DOCK10: variants seen among roughly 807,000 people sequenced by gnomAD.
The protein encoded by DOCK10 is dedicator of cytokinesis protein 10.
DOCK10 carries 145 observed loss-of-function variants against 280.1 expected under a neutral mutation model. The ratio of observed to expected loss-of-function variants is 0.52; its 90% CI spans 0.45 to 0.59. The LOEUF (loss-of-function observed/expected upper bound fraction) is 0.59, where lower values mean the gene tolerates loss of function less well. Among genes scored for constraint, DOCK10 ranks in the 20% least tolerant of loss-of-function variants. The pLI is 0.00. For synonymous variants in DOCK10, 915 were observed against 942.2 expected, an observed-to-expected ratio of 0.97 and a Z score of 0.53; for missense variants, 2,368 against 2,651.7, an observed-to-expected ratio of 0.89 and a Z score of 2.35.
chr2:224,952,003 T>C (rs573790047), intron 1 of DOCK10, among the ~76,000 whole-genome samples: 10 of 152,224 alleles, frequency 6.6e-5, no homozygotes, highest in Non-Finnish European at 1.0e-4. Flanking sequence ...CTCATCTTCC[T>C]AACATATCTC....
intron 1 of DOCK10, among the ~76,000 whole-genome samples, chr2:225,028,317 G>A (rs894548227): frequency 6.6e-6 from 1 of 152,124 alleles, no homozygotes. Context: ...TAAGCAATGT[G>A]GGGGCCTCTA....
At chr2:224,896,867 C>T (rs1575016567) in intron 3 of DOCK10, among the ~76,000 whole-genome samples, 1 of 152,276 alleles carries the variant, frequency 6.6e-6, no homozygotes, top group Admixed American at 6.5e-5. Flanking sequence ...TTTCAATTTC[C>T]CATGGAAATC....
Position 224,978,978 on chromosome 2 carries a change from C to T in DOCK10, c.124-47310G>A, listed in dbSNP as rs150481789. 3.5e-4 allele frequency among the ~76,000 whole-genome samples: 53 copies of T among 152,278 alleles called. 2 individuals carry two copies. The highest frequency in any genetic ancestry group is 6.8e-3 in the Middle Eastern group (2 of 294). On this transcript the variant is annotated intron_variant, in intron 1 of 55. Coordinates refer to ENST00000258390, the MANE Select transcript of DOCK10 (RefSeq NM_014689.3). ...CCTTTCCCACACTTTATATTCAATC[C>T]ATAGGCAAACTCTATTGGTTCTACT...
chr2:224,947,606 A>G (rs1030344684), intron 1 of DOCK10, among the ~76,000 whole-genome samples: 18 of 152,348 alleles, frequency 1.2e-4, no homozygotes, highest in African/African-American at 4.1e-4. Flanking sequence ...CTGTATGTCA[A>G]ATAGTTACAA....
Position 224,786,815 on chromosome 2 carries a change from T to C in DOCK10, c.5655+207A>G, listed in dbSNP as rs997695813. Among the ~76,000 whole-genome samples the C allele has an allele frequency of 6.6e-6, 1 of 152,242 alleles. No individual in the cohort carries two copies. The highest frequency in any genetic ancestry group is 1.5e-5 in the Non-Finnish European group (1 of 68,048). ...TAGAAATCACTGTTAACTCAACCCATGGATTTCTTTGCTCACTTGTTTCCC... is the reference window on the plus strand; with the variant it reads ...TAGAAATCACTGTTAACTCAACCCACGGATTTCTTTGCTCACTTGTTTCCC... On this transcript the variant is annotated intron_variant, in intron 50 of 55. Transcript: ENST00000258390. The surrounding 1 kb of genome is among the most constrained non-coding windows in gnomAD (Gnocchi z 4.7).
chr2:224,999,288 C>T (rs1012749572), intron 1 of DOCK10, among the ~76,000 whole-genome samples: 2 of 151,342 alleles, frequency 1.3e-5, no homozygotes, highest in East Asian at 1.9e-4. Context: ...ATGTTGCCCA[C>T]GCTGCATTCC....
At chr2:224,859,882 C>T (rs768158054) in intron 14 of DOCK10, among the ~76,000 whole-genome samples, 5 of 152,170 alleles carry the variant, frequency 3.3e-5, no homozygotes, top group Non-Finnish European at 7.3e-5. Flanking sequence ...AAGCAGTTTC[C>T]ACATTGTGAA....
chr2:224,861,342 A>G (rs1022720880), intron 14 of DOCK10: 5 of 152,220 alleles, frequency 3.3e-5, no homozygotes, highest in African/African-American at 1.2e-4. Flanking sequence ...TTCAATTTAT[A>G]GCTGGGGACC....
intron 1 of DOCK10, among the ~76,000 whole-genome samples, chr2:224,978,807 C>A (rs1298496993): frequency 6.6e-6 from 1 of 152,128 alleles, no homozygotes; most frequent in Non-Finnish European, 1.5e-5. Context: ...ATCTATAGAC[C>A]TAACAGGGAT....
At chr2:224,903,633 T>C (rs1700435548) in intron 3 of DOCK10, among the ~76,000 whole-genome samples, 1 of 152,212 alleles carries the variant, frequency 6.6e-6, no homozygotes, top group Non-Finnish European at 1.5e-5. Flanking sequence ...ACTATTATGA[T>C]CCAATCATTG....
rs1467472937 is a variant in DOCK10, at chr2:224,852,398, T to C, written c.2121A>G (p.Glu707=). 8 of 1,572,634 alleles carry C rather than the reference T, an allele frequency of 5.1e-6. No homozygotes were observed. Among genetic ancestry groups the C allele is most frequent in the African/African-American group, 1.3e-5 (1 of 74,080 alleles). ...TVCIEFKNSD[E]ESAKPLKCIY... is the part of the protein sequence containing the mutation. ...TCACCTTCAGGGGCTTGGCACTTTC[T>C]TCATCTGAATTTTTGAATTCAATGC... The change falls in exon 18 of 56, where the codon GAA becomes GAG. Residue 707 remains glutamate, a synonymous_variant. Coordinates refer to ENST00000258390, the MANE Select transcript of DOCK10 (RefSeq NM_014689.3).
intron 1 of DOCK10, among the ~76,000 whole-genome samples, chr2:225,003,282 T>C (rs1210284672): frequency 6.6e-6 from 1 of 152,164 alleles, no homozygotes; most frequent in East Asian, 1.9e-4. Flanking sequence ...TGGACTCAAG[T>C]ATGCATCTGC....
chr2:225,030,491 G>A lies in DOCK10; in HGVS notation c.123+11761C>T, dbSNP rs527684036. On this transcript the variant is annotated intron_variant, in intron 1 of 55. Transcript: ENST00000258390. The stretch of plus-strand genomic sequence containing the variant: ...TCAATCATTTTTCTGCACCCTGCTC[G>A]GGGTGGCCTCCACCTTGTGACTGCT... Among the ~76,000 whole-genome samples the A allele has an allele frequency of 9.2e-5, 14 of 152,190 alleles. No homozygotes were observed. The South Asian group carries it at 1.9e-3, about 20-fold the overall frequency.
intron 1 of DOCK10, among the ~76,000 whole-genome samples, chr2:224,960,696 T>A (rs556016904): frequency 4.1e-5 from 6 of 147,930 alleles, no homozygotes; most frequent in African/African-American, 1.5e-4. Context: ...ACTTCCCTTA[T>A]CCCTTATGTG....
Position 224,931,604 on chromosome 2 carries a change from G to A in DOCK10, c.188C>T (p.Thr63Ile). Residue 63 changes from threonine (T) to isoleucine (I), a missense_variant, in exon 2 of 56, where the codon ACC (threonine) becomes ATC (isoleucine). Coordinates refer to ENST00000258390, the MANE Select transcript of DOCK10 (RefSeq NM_014689.3). ...YETVIEELEKTYRNDPLQDLL... is the reference protein window; with the variant it reads ...YETVIEELEKIYRNDPLQDLL... ...ATCTTGAAGAGGATCATTCCGGTAG[G>A]TCTTTTCAAGTTCTTCAATGACAGT... The A allele has an allele frequency of 6.2e-7, 1 of 1,612,058 alleles. No individual in the cohort carries two copies. Among genetic ancestry groups the A allele is most frequent in the Non-Finnish European group, 8.5e-7 (1 of 1,179,076 alleles).
intron 29 of DOCK10, 40 bp from the exon 30 acceptor site, chr2:224,816,753 C>T: frequency 9.0e-7 from 1 of 1,114,638 alleles, no homozygotes; most frequent in Non-Finnish European, 1.3e-6. Context: ...ACTTACAGAC[C>T]AAGAAACTGA....
Position 224,765,823 on chromosome 2 carries a change from G to A in DOCK10, c.6459C>T (p.Asp2153=), listed in dbSNP as rs376771764. 1.7e-5 allele frequency: 27 copies of A among 1,613,424 alleles called. No homozygotes were observed. The highest frequency in any genetic ancestry group is 4.5e-5 in the East Asian group (2 of 44,862). ...TVMNEQITGR[D]DLSKRGVDQT... is the part of the protein sequence containing the mutation. ...GGTCCACTCCGCGCTTTGACAGGTC[G>A]TCCCTGCCCGTAATCTTAAAACAGG... The change falls in exon 56 of 56, where the codon GAC becomes GAT. Residue 2153 remains aspartate (D), a synonymous_variant. Coordinates refer to ENST00000258390, the MANE Select transcript of DOCK10 (RefSeq NM_014689.3).
intron 1 of DOCK10, among the ~76,000 whole-genome samples, chr2:224,939,141 T>A (rs1464306583): frequency 6.6e-6 from 1 of 152,218 alleles, no homozygotes; most frequent in Non-Finnish European, 1.5e-5. Flanking sequence ...TCTTAGTCCA[T>A]TTCAGTGACA....
At chr2:224,991,583 G>A (rs955933020) in intron 1 of DOCK10, among the ~76,000 whole-genome samples, 2 of 152,106 alleles carry the variant, frequency 1.3e-5, no homozygotes, top group African/African-American at 4.8e-5. Context: ...AACTCAAACA[G>A]AAGAGAGAGC....
Sources: gnomAD v4.1 joint callset for allele counts (sites outside exome capture counted in the v4.1 genomes callset) on GRCh38, gnomAD v4.1.1 for gene constraint, Gnocchi (gnomAD v3.1) non-coding constraint, MANE v1.5 for transcripts, NCBI Gene and HGNC (gene_info 2026-07-23, HGNC 2026-07-21) for gene names.